MSH3: variants seen among roughly 807,000 people sequenced by gnomAD.
The protein encoded by MSH3 is mutS homolog 3.
MSH3 carries 106 observed loss-of-function variants against 123.3 expected under a neutral mutation model. The observed-to-expected ratio is 0.86, with a 90% CI of 0.73 to 1.01. The LOEUF (loss-of-function observed/expected upper bound fraction) is 1.01. Among genes scored for constraint, MSH3 ranks in the 50% least tolerant of loss-of-function variants. The probability of loss-of-function intolerance (pLI) is 0.00; values close to 1 mark genes in which losing one functional copy is unlikely to be tolerated. For missense variants in MSH3, 1,459 were observed against 1,347.6 expected (o/e 1.08, Z -1.29); for synonymous variants, 515 against 481.4 (o/e 1.07, Z -0.91).
At chr5:80,768,202 C>T (rs1166604244) in intron 14 of MSH3, 82 bp downstream of exon 14, 3 of 1,227,586 alleles carry the variant, frequency 2.4e-6, no homozygotes, top group Non-Finnish European at 3.6e-6. Context: ...GATTCTTAAT[C>T]TTTACTAGAA....
chr5:80,729,460 G>GTGTGTGTGTATA (rs1277559108), intron 10 of MSH3, among the ~76,000 whole-genome samples: 26 of 95,032 alleles, frequency 2.7e-4, no homozygotes, highest in East Asian at 1.4e-3. Context: ...GTGTGTGTGT[G>GTGTGTGTGTATA]TATATATATA....
chr5:80,709,751 G>T (rs1048358921), intron 8 of MSH3, among the ~76,000 whole-genome samples: 1 of 152,126 alleles, frequency 6.6e-6, no homozygotes, highest in Non-Finnish European at 1.5e-5. Context: ...CAATTTAAAT[G>T]ATCTTCAGGA....
intron 20 of MSH3, among the ~76,000 whole-genome samples, chr5:80,822,684 T>C (rs1423756308): frequency 1.3e-5 from 2 of 152,238 alleles, no homozygotes; most frequent in Admixed American, 1.3e-4. Flanking sequence ...TCCCTGACAC[T>C]TTCCCTCTTG....
At position 80,793,372 on chromosome 5, in the gene MSH3, A is replaced by G. The variant is rs192673681; in HGVS notation, c.2655+528A>G. 5.9e-5 allele frequency among the ~76,000 whole-genome samples: 9 copies of G among 152,362 alleles called. No individual in the cohort carries two copies. In the East Asian group the frequency reaches 1.7e-3, roughly 29 times the overall value. ...TAATGAAGTATTAGGAACAGAGACT[A>G]GTAAGCAAGACAGAACTCTTCCCTG... On this transcript the variant is annotated intron_variant, in intron 19 of 23. Transcript: ENST00000265081.
intron 19 of MSH3, among the ~76,000 whole-genome samples, chr5:80,794,015 A>G (rs1248626115): frequency 6.6e-6 from 1 of 152,108 alleles, no homozygotes; most frequent in Non-Finnish European, 1.5e-5. Flanking sequence ...GGGAAAGGGA[A>G]TGAGCTGGGG....
rs375475074 is a variant in MSH3, at chr5:80,709,589, G to A, written c.1341-15864G>A. ...GTGAGCTGAGATCACGTGAGATCGC[G>A]CCACTGCACTCCAGCCTGGGCGACA... On this transcript the variant is annotated intron_variant, in intron 8 of 23. Transcript: ENST00000265081. Among the ~76,000 whole-genome samples the A allele has an allele frequency of 1.3e-3, 201 of 152,140 alleles. 1 individual carries two copies. Among genetic ancestry groups the A allele is most frequent in the African/African-American group, 3.3e-3 (139 of 41,506 alleles).
At chr5:80,655,129 G>T in intron 1 of MSH3, 165 bp downstream of exon 1, 1 of 517,470 alleles carries the variant, frequency 1.9e-6, no homozygotes, top group Non-Finnish European at 3.4e-6. Context: ...GCTACAAATT[G>T]GGTGAAGCGC....
At chr5:80,680,090 T>TAA (rs74530796) in intron 8 of MSH3, among the ~76,000 whole-genome samples, 2 of 143,306 alleles carry the variant, frequency 1.4e-5, no homozygotes, top group African/African-American at 5.1e-5. Flanking sequence ...CCGTTTCTAC[T>TAA]AAAAAAAAAA....
chr5:80,803,335 T>C (rs1285040777), intron 19 of MSH3, among the ~76,000 whole-genome samples: 2 of 152,106 alleles, frequency 1.3e-5, no homozygotes, highest in African/African-American at 4.8e-5. Flanking sequence ...ATCAATCATG[T>C]TGCACCTGTT....
Position 80,798,300 on chromosome 5 carries a change from A to T in MSH3, c.2655+5456A>T, listed in dbSNP as rs189671667. On this transcript the variant is annotated intron_variant, in intron 19 of 23. Transcript: ENST00000265081. ...AGGGTGCTTCAGTCATTAGCTCCGC[A>T]TGTGGTATGGAATGGGTGCTCACAC... 1.1e-4 allele frequency among the ~76,000 whole-genome samples: 16 copies of T among 152,270 alleles called. No individual in the cohort carries two copies. In the East Asian group the frequency reaches 3.1e-3, roughly 30 times the overall value.
At chr5:80,799,314 G>A (rs188249943) in intron 19 of MSH3, among the ~76,000 whole-genome samples, 46 of 152,200 alleles carry the variant, frequency 3.0e-4, no homozygotes, top group Non-Finnish European at 5.3e-4. Flanking sequence ...CTGAGAGCTC[G>A]TCTGGAGGAG....
intron 8 of MSH3, among the ~76,000 whole-genome samples, chr5:80,722,157 A>G (rs1458509234): frequency 6.6e-6 from 1 of 152,240 alleles, no homozygotes; most frequent in Non-Finnish European, 1.5e-5. Context: ...AAGGCATTGT[A>G]ATTGAACTTT....
At chr5:80,769,343 G>A (rs758671130) in intron 15 of MSH3, among the ~76,000 whole-genome samples, 33 of 151,954 alleles carry the variant, frequency 2.2e-4, no homozygotes, top group Non-Finnish European at 3.7e-4. Context: ...TCCCTACCTT[G>A]CAGATGATGA....
intron 17 of MSH3, among the ~76,000 whole-genome samples, chr5:80,782,624 A>G (rs1744431039): frequency 6.6e-6 from 1 of 152,200 alleles, no homozygotes; most frequent in Admixed American, 6.5e-5. Flanking sequence ...TAATGTACAT[A>G]TATTACTTTC....
intron 19 of MSH3, among the ~76,000 whole-genome samples, chr5:80,804,598 T>C (rs773378348): frequency 8.5e-5 from 13 of 152,200 alleles, no homozygotes; most frequent in Non-Finnish European, 1.3e-4. Flanking sequence ...AGGCAGAGAC[T>C]CTTGTTGTCC....
At chr5:80,777,798 A>G (rs1193870031) in intron 16 of MSH3, among the ~76,000 whole-genome samples, 1 of 152,180 alleles carries the variant, frequency 6.6e-6, no homozygotes, top group African/African-American at 2.4e-5. Flanking sequence ...GGAGCAAAAA[A>G]AGACCAGACA....
chr5:80,861,412 T>A (rs1180304345), intron 21 of MSH3, among the ~76,000 whole-genome samples: 3 of 152,082 alleles, frequency 2.0e-5, no homozygotes, highest in South Asian at 2.1e-4. Context: ...TTCTCTCATA[T>A]GGAAGGCTAG....
At chr5:80,816,877 G>A (rs189605688) in intron 20 of MSH3, among the ~76,000 whole-genome samples, 4 of 152,294 alleles carry the variant, frequency 2.6e-5, no homozygotes, top group East Asian at 1.9e-4. Context: ...CATAGATTCC[G>A]ACGTTATCTT....
intron 21 of MSH3, chr5:80,855,733 A>G (rs1049133279): frequency 2.0e-5 from 3 of 152,178 alleles, no homozygotes; most frequent in Non-Finnish European, 4.4e-5. Flanking sequence ...TCAAATGACA[A>G]ACTTCTAAAT....
Sources: allele counts gnomAD v4.1 joint callset (sites outside exome capture counted in the v4.1 genomes callset), GRCh38; gene constraint gnomAD v4.1.1; transcripts MANE v1.5; gene names NCBI Gene and HGNC (gene_info 2026-07-23, HGNC 2026-07-21).